TMTC2: variants seen among roughly 807,000 people sequenced by gnomAD.
TMTC2 encodes transmembrane O-mannosyltransferase targeting cadherins 2, also known as protein O-mannosyl-transferase TMTC2.
Under a neutral mutation model 82.4 loss-of-function variants are expected in TMTC2, and 43 were observed. The observed-to-expected ratio is 0.52, with a 90% CI of 0.41 to 0.67. TMTC2 has a LOEUF of 0.67. Among genes scored for constraint, TMTC2 ranks in the 30% least tolerant of loss-of-function variants. The probability of loss-of-function intolerance (pLI) is 0.00; values close to 1 mark genes in which losing one functional copy is unlikely to be tolerated. For missense variants in TMTC2, 919 were observed against 1,012.4 expected (o/e 0.91, Z 1.25); for synonymous variants, 408 against 381.9 (o/e 1.07, Z -0.80).
intron 1 of TMTC2, among the ~76,000 whole-genome samples, chr12:82,723,198 T>C: frequency 6.6e-6 from 1 of 152,204 alleles, no homozygotes; most frequent in Admixed American, 6.5e-5. Context: ...TTATTGGCCC[T>C]CAGGCTCATA....
intron 1 of TMTC2, among the ~76,000 whole-genome samples, chr12:82,777,506 C>T (rs1400907500): frequency 6.6e-6 from 1 of 151,954 alleles, no homozygotes; most frequent in African/African-American, 2.4e-5. Flanking sequence ...TATTTTTTGG[C>T]CACCTTTACA....
chr12:83,088,432 T>G (rs1883732929), intron 11 of TMTC2, among the ~76,000 whole-genome samples: 1 of 152,250 alleles, frequency 6.6e-6, no homozygotes, highest in East Asian at 1.9e-4. Context: ...TTGGCCTGTC[T>G]TGCCTTTTGA....
chr12:82,742,612 C>T (rs532256955), intron 1 of TMTC2, among the ~76,000 whole-genome samples: 19 of 151,910 alleles, frequency 1.3e-4, no homozygotes, highest in African/African-American at 2.4e-4. Flanking sequence ...CTCCGCCTCT[C>T]GGGTTCAAGT....
At chr12:83,051,113 A>C in intron 10 of TMTC2, 95 bp downstream of exon 10, 17 of 771,710 alleles carry the variant, frequency 2.2e-5, no homozygotes, top group African/African-American at 3.6e-5. Context: ...CCACATTCTC[A>C]ATGTGAGTCA....
intron 2 of TMTC2, among the ~76,000 whole-genome samples, chr12:82,886,446 A>G (rs949153742): frequency 1.3e-5 from 2 of 152,332 alleles, no homozygotes; most frequent in African/African-American, 2.4e-5. Context: ...GAGATGTACT[A>G]ATGCTTTCTG....
At chr12:83,039,266 A>G (rs1881798899) in intron 9 of TMTC2, among the ~76,000 whole-genome samples, 1 of 152,102 alleles carries the variant, frequency 6.6e-6, no homozygotes, top group Non-Finnish European at 1.5e-5. Context: ...GTTCAAGTAG[A>G]TAGCAGGATA....
intron 2 of TMTC2, among the ~76,000 whole-genome samples, chr12:82,870,150 T>G (rs1872100973): frequency 6.6e-6 from 1 of 152,164 alleles, no homozygotes; most frequent in Non-Finnish European, 1.5e-5. Context: ...CTGGGTTCTT[T>G]TTTCCTTTGT....
At chr12:82,698,419 G>C (rs926481670) in intron 1 of TMTC2, among the ~76,000 whole-genome samples, 29 of 152,112 alleles carry the variant, frequency 1.9e-4, no homozygotes, top group African/African-American at 7.0e-4. Context: ...AGACTCAAAT[G>C]AAATAATATG....
rs1012523588 is a variant in TMTC2, at chr12:82,719,598, A to G, written c.83+31929A>G. On this transcript the variant is annotated intron_variant, in intron 1 of 11. Coordinates refer to ENST00000321196, the MANE Select transcript of TMTC2 (RefSeq NM_152588.3). ...GAGCAAATGCCTTTTCCTTTTTTAT[A>G]CCTAATTACTCATGTAGCAATTTCC... is the stretch of plus-strand genomic sequence containing the variant. Among the ~76,000 whole-genome samples the G allele has an allele frequency of 5.9e-5, 9 of 151,726 alleles. No homozygotes were observed. The South Asian group carries it at 8.3e-4, about 14-fold the overall frequency.
intron 1 of TMTC2, among the ~76,000 whole-genome samples, chr12:82,774,633 A>T (rs553681784): frequency 1.5e-5 from 2 of 131,018 alleles, no homozygotes; most frequent in South Asian, 2.4e-4. Flanking sequence ...AAAAAGAACA[A>T]TTTTTTTTTT....
At chr12:83,124,298 C>G (rs762890633) in intron 11 of TMTC2, among the ~76,000 whole-genome samples, 15 of 152,116 alleles carry the variant, frequency 9.9e-5, no homozygotes, top group Non-Finnish European at 1.9e-4. Context: ...TTTACCTCTC[C>G]TACATCAGGT....
chr12:82,937,749 T>TATATATATATATATATAC (rs1565818189), intron 4 of TMTC2, among the ~76,000 whole-genome samples: 26 of 100,058 alleles, frequency 2.6e-4, no homozygotes, highest in African/African-American at 1.3e-3. Flanking sequence ...TGTGTGTGTG[T>TATATATATATATATATAC]GTATATATAT....
chr12:83,079,062 A>G (rs971743935), intron 11 of TMTC2, among the ~76,000 whole-genome samples: 2 of 152,156 alleles, frequency 1.3e-5, no homozygotes, highest in African/African-American at 4.8e-5. Context: ...ATTAATAACT[A>G]CAAAAAATTA....
At chr12:82,895,475 C>T (rs902566399) in intron 2 of TMTC2, among the ~76,000 whole-genome samples, 3 of 151,918 alleles carry the variant, frequency 2.0e-5, no homozygotes, top group Non-Finnish European at 2.9e-5. Flanking sequence ...CATTGTGGTC[C>T]CCTTGTGACC....
chr12:82,745,284 A>G (rs910135452), intron 1 of TMTC2, among the ~76,000 whole-genome samples: 34 of 152,184 alleles, frequency 2.2e-4, no homozygotes, highest in Admixed American at 2.2e-3. Context: ...GACAGATAAC[A>G]GTTGTTGTAG....
intron 4 of TMTC2, among the ~76,000 whole-genome samples, chr12:82,956,117 A>G (rs1877599363): frequency 1.3e-5 from 2 of 152,114 alleles, no homozygotes; most frequent in Non-Finnish European, 2.9e-5. Flanking sequence ...GATAACTGCT[A>G]CCAAAAACAC....
intron 11 of TMTC2, among the ~76,000 whole-genome samples, chr12:83,075,378 G>A (rs1032993388): frequency 1.3e-5 from 2 of 152,084 alleles, no homozygotes; most frequent in Non-Finnish European, 2.9e-5. Context: ...ATCTAGTCCT[G>A]CCTCCCATCC....
At chr12:83,129,045 C>T (rs1885181819) in intron 11 of TMTC2, among the ~76,000 whole-genome samples, 1 of 152,094 alleles carries the variant, frequency 6.6e-6, no homozygotes, top group Non-Finnish European at 1.5e-5. Context: ...TTTCATGTTT[C>T]CTTCACTCAA....
chr12:82,690,335 A>G lies in TMTC2; in HGVS notation c.83+2666A>G, dbSNP rs148954607. Reference sequence around the variant, plus strand: ...GAACTTTTGTGAAATCCAGTTCTGTAAGGAGAGGCCAGTGCCAGAAGTGAA... The same window carrying G: ...GAACTTTTGTGAAATCCAGTTCTGTGAGGAGAGGCCAGTGCCAGAAGTGAA... On this transcript the variant is annotated intron_variant, in intron 1 of 11. Transcript: ENST00000321196. 9 of 984,272 alleles carry G rather than the reference A, an allele frequency of 9.1e-6. No homozygotes were observed. In the East Asian group the frequency reaches 9.1e-4, roughly 99 times the overall value. 61.0% of individuals were successfully genotyped at this position (984,272 alleles called of 1,614,324 possible).
Sources: gnomAD v4.1 joint callset for allele counts (sites outside exome capture counted in the v4.1 genomes callset) on GRCh38, gnomAD v4.1.1 for gene constraint, MANE v1.5 for transcripts, NCBI Gene and HGNC (gene_info 2026-07-23, HGNC 2026-07-21) for gene names.